The following CCNY variants were observed in gnomAD, a reference collection of about 807,000 sequenced individuals.
CCNY encodes the protein cyclin-Y.
Under a neutral mutation model 42.8 loss-of-function variants are expected in CCNY, and 19 were observed. That is an observed-to-expected ratio of 0.44 (90% CI 0.31 to 0.65). The LOEUF (loss-of-function observed/expected upper bound fraction) is 0.65. Among genes scored for constraint, CCNY ranks in the 30% least tolerant of loss-of-function variants. CCNY has a pLI of 0.07. For synonymous variants in CCNY, 165 were observed against 162.7 expected, an observed-to-expected ratio of 1.01 and a Z score of -0.11; for missense variants, 370 against 437.3, an observed-to-expected ratio of 0.85 and a Z score of 1.37.
At chr10:35,262,497 T>C (rs1343490352) in intron 3 of CCNY, among the ~76,000 whole-genome samples, 1 of 151,866 alleles carries the variant, frequency 6.6e-6, no homozygotes, top group Non-Finnish European at 1.5e-5. Context: ...TAGCTGGGAC[T>C]ACAGGTGCAC....
chr10:35,546,957 G>A (rs537570218), intron 7 of CCNY, among the ~76,000 whole-genome samples: 26 of 152,324 alleles, frequency 1.7e-4, no homozygotes, highest in African/African-American at 6.0e-4. Flanking sequence ...GGATCTGGGT[G>A]AAGATTGAGT....
chr10:35,329,919 G>A (rs538172545), intron 3 of CCNY, among the ~76,000 whole-genome samples: 1 of 152,292 alleles, frequency 6.6e-6, no homozygotes, highest in Non-Finnish European at 1.5e-5. Context: ...AGCTGCTCCT[G>A]GGGGGCCCAG....
intron 8 of CCNY, among the ~76,000 whole-genome samples, chr10:35,556,629 T>A (rs1841367598): frequency 6.6e-6 from 1 of 152,138 alleles, no homozygotes; most frequent in African/African-American, 2.4e-5. Flanking sequence ...GGAGGGAGCA[T>A]GGAGCTTCCT....
intron 1 of CCNY, among the ~76,000 whole-genome samples, chr10:35,427,462 T>G (rs1838295341): frequency 6.6e-6 from 1 of 152,228 alleles, no homozygotes; most frequent in Non-Finnish European, 1.5e-5. Flanking sequence ...CCTCCCGGCT[T>G]GTGACCTTGG....
At chr10:35,367,486 G>A (rs1836834357) in intron 1 of CCNY, among the ~76,000 whole-genome samples, 1 of 152,196 alleles carries the variant, frequency 6.6e-6, no homozygotes, top group Admixed American at 6.5e-5. Context: ...TAATAATATT[G>A]TTAGGTAAAG....
At chr10:35,367,188 C>T (rs1366878929) in intron 1 of CCNY, among the ~76,000 whole-genome samples, 1 of 152,130 alleles carries the variant, frequency 6.6e-6, no homozygotes, top group African/African-American at 2.4e-5. Flanking sequence ...AAACACACTT[C>T]TGTCTCATTG....
intron 1 of CCNY, among the ~76,000 whole-genome samples, chr10:35,406,410 G>C (rs1479955556): frequency 6.6e-6 from 1 of 151,848 alleles, no homozygotes; most frequent in African/African-American, 2.4e-5. Flanking sequence ...GGGCACTTGA[G>C]ACTAGGGAGT....
At chr10:35,400,436 G>T (rs193167760) in intron 1 of CCNY, among the ~76,000 whole-genome samples, 1 of 152,152 alleles carries the variant, frequency 6.6e-6, no homozygotes, top group Admixed American at 6.5e-5. Flanking sequence ...GATGCTTCAC[G>T]TCGTGGAATG....
chr10:35,385,415 TAA>T (rs1837281932), intron 1 of CCNY, among the ~76,000 whole-genome samples: 1 of 152,222 alleles, frequency 6.6e-6, no homozygotes, highest in Non-Finnish European at 1.5e-5. Flanking sequence ...GTGATTCAGG[TAA>T]ATGAAGTTAG....
chr10:35,543,100 G>A (rs533087206), intron 7 of CCNY, among the ~76,000 whole-genome samples: 1 of 152,272 alleles, frequency 6.6e-6, no homozygotes, highest in East Asian at 1.9e-4. Flanking sequence ...AGTAAAGAAT[G>A]CTGTTCATAA....
intron 1 of CCNY, among the ~76,000 whole-genome samples, chr10:35,402,535 A>G (rs1837666329): frequency 6.6e-6 from 1 of 152,116 alleles, no homozygotes; most frequent in Non-Finnish European, 1.5e-5. Flanking sequence ...CTCTTTTTTT[A>G]GCAGTGAGTA....
At chr10:35,285,480 G>T (rs1045032229) in intron 3 of CCNY, among the ~76,000 whole-genome samples, 12 of 152,112 alleles carry the variant, frequency 7.9e-5, no homozygotes, top group African/African-American at 2.9e-4. Flanking sequence ...ACTGGAGTGT[G>T]GTGGTGCGAT....
intron 1 of CCNY, among the ~76,000 whole-genome samples, chr10:35,431,843 G>GT (rs1005007710): frequency 6.6e-5 from 10 of 151,870 alleles, no homozygotes; most frequent in Non-Finnish European, 1.3e-4. Context: ...GTTTTTTGTT[G>GT]TTTTTTTCTC....
intron 3 of CCNY, among the ~76,000 whole-genome samples, chr10:35,319,442 A>G (rs990100847): frequency 6.6e-6 from 1 of 152,102 alleles, no homozygotes; most frequent in Admixed American, 6.5e-5. Flanking sequence ...AATTACCAAC[A>G]TTAGGAATGA....
chr10:35,549,112 C>A (rs528289813), intron 7 of CCNY, among the ~76,000 whole-genome samples: 2 of 147,090 alleles, frequency 1.4e-5, no homozygotes, highest in African/African-American at 5.1e-5. Context: ...CACCCCCCCC[C>A]GCCCCTCATC....
chr10:35,298,816 C>A (rs531562537), intron 3 of CCNY, among the ~76,000 whole-genome samples: 1 of 152,236 alleles, frequency 6.6e-6, no homozygotes, highest in East Asian at 1.9e-4. Flanking sequence ...GCCATTGCAC[C>A]TGGCCTTGTT....
At chr10:35,566,381 G>A (rs1309578313) in intron 9 of CCNY, 196 bp downstream of exon 9, 5 of 610,120 alleles carry the variant, frequency 8.2e-6, no homozygotes, top group Non-Finnish European at 1.4e-5. Context: ...GTCTCGCTCT[G>A]TCACCCAGCC....
intron 1 of CCNY, among the ~76,000 whole-genome samples, chr10:35,353,723 G>A (rs1836479165): frequency 6.6e-6 from 1 of 152,186 alleles, no homozygotes; most frequent in African/African-American, 2.4e-5. Context: ...CAAGGTAAAA[G>A]TTTCTCAAGA....
chr10:35,266,522 C>T (rs1361153072), intron 3 of CCNY, among the ~76,000 whole-genome samples: 1 of 152,040 alleles, frequency 6.6e-6, no homozygotes, highest in East Asian at 1.9e-4. Flanking sequence ...ACACATTTCT[C>T]CTGTTCTATT....
Sources: allele counts gnomAD v4.1 joint callset (sites outside exome capture counted in the v4.1 genomes callset), GRCh38; gene constraint gnomAD v4.1.1; transcripts MANE v1.5; gene names NCBI Gene and HGNC (gene_info 2026-07-23, HGNC 2026-07-21).